Variants in SNX9 observed in about 807,000 individuals in gnomAD.
The protein encoded by SNX9 is sorting nexin 9.
Under a neutral mutation model 89.4 loss-of-function variants are expected in SNX9, and 44 were observed. The observed-to-expected ratio is 0.49, with a 90% CI of 0.39 to 0.63. The LOEUF is 0.63. SNX9 is among the 30% of genes least tolerant of loss of function. SNX9 has a pLI of 0.00. For synonymous variants in SNX9, 236 were observed against 247.8 expected (o/e 0.95, Z 0.45); for missense variants, 578 against 736.1 (o/e 0.79, Z 2.49).
chr6:157,932,190 T>C lies in SNX9; in HGVS notation c.1289-5T>C. On this transcript the variant is annotated splice_polypyrimidine_tract_variant and splice_region_variant and intron_variant, in intron 12 of 17. Coordinates refer to ENST00000392185, the MANE Select transcript of SNX9 (RefSeq NM_016224.5). ...ACTAATCGTTTATTCCTTTTTGTCTTTCAGCATTACCCAAGGAATATCAGA... is the reference window on the plus strand; with the variant it reads ...ACTAATCGTTTATTCCTTTTTGTCTCTCAGCATTACCCAAGGAATATCAGA... 1.2e-6 allele frequency: 2 copies of C among 1,613,912 alleles called. No individual in the cohort carries two copies. The highest frequency in any genetic ancestry group is 1.7e-6 in the Non-Finnish European group (2 of 1,179,750).
chr6:157,896,835 T>A lies in SNX9; in HGVS notation c.309T>A (p.Ser103Arg), dbSNP rs1363209877. 1 of 1,612,488 alleles carries A rather than the reference T, an allele frequency of 6.2e-7. No individual in the cohort carries two copies. Among genetic ancestry groups the A allele is most frequent in the African/African-American group, 1.3e-5 (1 of 74,774 alleles). Residue 103 changes from serine to arginine, a missense_variant, in exon 5 of 18, where the codon AGT becomes AGA. Around this residue, in one of 2 missense-constraint regions of SNX9, gnomAD observed 230 missense variants for 244.7 expected, o/e 0.94. Coordinates refer to ENST00000392185, the MANE Select transcript of SNX9 (RefSeq NM_016224.5). ...TTTACCCCTCTCAATAGGTTGGCAG[T>A]GGCAATGACCCCTGGTCAGCCTGGA... The part of the protein sequence containing the change: ...SAASNNHQVG[S>R]GNDPWSAWSA...
intron 1 of SNX9, among the ~76,000 whole-genome samples, chr6:157,853,680 G>A (rs1360900305): frequency 1.3e-5 from 2 of 152,034 alleles, no homozygotes; most frequent in African/African-American, 2.4e-5. Context: ...TCAGTTATCA[G>A]GCCCTTTACT....
chr6:157,906,131 TC>T lies in SNX9; in HGVS notation c.626del (p.Pro209LeufsTer17). 1.2e-6 allele frequency: 2 copies of T among 1,609,780 alleles called. No homozygotes were observed. The highest frequency in any genetic ancestry group is 1.7e-6 in the Non-Finnish European group (2 of 1,178,734). ...SSMKIPLNKFPGFAKPGTEQY... is the reference protein window; with the variant it reads ...SSMKIPLNKFXGFAKPGTEQY... ...GAACATTTATATTCATGATTAGATTTCCTGGATTTGCGAAACCTGGCACGGA... is the reference window on the plus strand; with the variant it reads ...GAACATTTATATTCATGATTAGATTTCTGGATTTGCGAAACCTGGCACGGA... On this transcript the variant is annotated frameshift_variant, in exon 7 of 18. Coordinates refer to ENST00000392185, the MANE Select transcript of SNX9 (RefSeq NM_016224.5). LOFTEE classifies it high-confidence loss of function.
At chr6:157,861,995 T>C (rs931058386) in intron 1 of SNX9, among the ~76,000 whole-genome samples, 2 of 152,158 alleles carry the variant, frequency 1.3e-5, no homozygotes, top group African/African-American at 4.8e-5. Context: ...GTAGAGATGC[T>C]GGACAAAGGG....
intron 1 of SNX9, among the ~76,000 whole-genome samples, chr6:157,841,963 G>A (rs912865859): frequency 6.6e-6 from 1 of 151,992 alleles, no homozygotes; most frequent in Non-Finnish European, 1.5e-5. Context: ...ATCCTGGCCC[G>A]TTTTGTTTCC....
chr6:157,878,926 GT>G (rs112735563), intron 4 of SNX9, among the ~76,000 whole-genome samples: 39,536 of 151,940 alleles, frequency 0.26, 5,601 homozygotes, highest in African/African-American at 0.38. Flanking sequence ...CTGTCCTTTG[GT>G]GGGGGAAGGT....
chr6:157,915,457 A>G (rs1004466895), intron 9 of SNX9, among the ~76,000 whole-genome samples: 1 of 151,470 alleles, frequency 6.6e-6, no homozygotes, highest in Non-Finnish European at 1.5e-5. Context: ...AGTCTTCAAC[A>G]TACAGATTCT....
Position 157,823,502 on chromosome 6 carries a change from G to GAGGGTC in SNX9, c.12+57_12+62dup, listed in dbSNP as rs1222115747. 6 of 1,166,876 alleles carry GAGGGTC rather than the reference G, an allele frequency of 5.1e-6. No individual in the cohort carries two copies. The highest frequency in any genetic ancestry group is 1.6e-5 in the African/African-American group (1 of 61,668). The allele number at this position is 1,166,876 out of a possible 1,614,324, so 72.3% of individuals were successfully genotyped here. On this transcript the variant is annotated intron_variant, in intron 1 of 17. Coordinates refer to ENST00000392185, the MANE Select transcript of SNX9 (RefSeq NM_016224.5). The surrounding 1 kb of genome is among the most constrained non-coding windows in gnomAD (Gnocchi z 4.6). ...TCGCTCAGGCCCGGGGCGGCGCGGAGAGGGTCGGGGCCGGGGCCGCGGGGA... is the reference window on the plus strand; with the variant it reads ...TCGCTCAGGCCCGGGGCGGCGCGGAGAGGGTCAGGGTCGGGGCCGGGGCCGCGGGGA...
intron 1 of SNX9, among the ~76,000 whole-genome samples, chr6:157,834,558 T>C (rs1318282673): frequency 6.6e-6 from 1 of 151,902 alleles, no homozygotes; most frequent in Non-Finnish European, 1.5e-5. Context: ...TCTCGCCATG[T>C]TCCCCAGGTT....
chr6:157,904,432 C>CA (rs202231815), intron 6 of SNX9, among the ~76,000 whole-genome samples: 3,797 of 145,526 alleles, frequency 0.026, 108 homozygotes, highest in African/African-American at 0.071. Context: ...ACTCTGTCTC[C>CA]AAAAAAAAAA....
At chr6:157,850,034 G>A (rs953422729) in intron 1 of SNX9, among the ~76,000 whole-genome samples, 33 of 152,178 alleles carry the variant, frequency 2.2e-4, no homozygotes, top group African/African-American at 7.7e-4. Flanking sequence ...TTTACAGTGT[G>A]GCCTGGCTAA....
chr6:157,926,478 C>T (rs1257313772), intron 10 of SNX9, among the ~76,000 whole-genome samples: 1 of 152,090 alleles, frequency 6.6e-6, no homozygotes, highest in Non-Finnish European at 1.5e-5. Flanking sequence ...ATTTGAGGCA[C>T]TAGGTCAGAA....
rs772304034 is a variant in SNX9 at position 157,865,687 on chromosome 6, G to A, written c.13-1860G>A. On this transcript the variant is annotated intron_variant, in intron 1 of 17. Coordinates refer to ENST00000392185, the MANE Select transcript of SNX9 (RefSeq NM_016224.5). ...TGCTTTGTCACATATTCGTCCATCA[G>A]TCCATCTTACTATTTTTTATGTATT... Among the ~76,000 whole-genome samples the A allele has an allele frequency of 1.4e-4, 22 of 152,362 alleles. 1 individual carries two copies. Among genetic ancestry groups the A allele is most frequent in the Non-Finnish European group, 1.8e-4 (12 of 68,028 alleles).
At chr6:157,865,425 A>G (rs552125748) in intron 1 of SNX9, among the ~76,000 whole-genome samples, 7 of 151,236 alleles carry the variant, frequency 4.6e-5, no homozygotes, top group Non-Finnish European at 7.4e-5. Flanking sequence ...ACACCTCAGC[A>G]TGGCTGCTTT....
rs1783584617 is a variant in SNX9 at position 157,921,586 on chromosome 6, G to A, written c.1005G>A (p.Met335Ile). The change falls in exon 10 of 18, where the codon ATG (methionine) becomes ATA (isoleucine). Residue 335 changes from methionine to isoleucine, a missense_variant. Coordinates refer to ENST00000392185, the MANE Select transcript of SNX9 (RefSeq NM_016224.5). ...GCATGGAGAGACTTCAGGCCTGGAT[G>A]ACCAGGATGTGTCGCCATCCAGTAA... ...KMRMERLQAWMTRMCRHPVIS... is the reference protein window; with the variant it reads ...KMRMERLQAWITRMCRHPVIS... 6.2e-7 allele frequency: 1 copy of A among 1,614,036 alleles called. No homozygotes were observed. Among genetic ancestry groups the A allele is most frequent in the Non-Finnish European group, 8.5e-7 (1 of 1,179,972 alleles).
At chr6:157,859,780 G>A (rs1435724559) in intron 1 of SNX9, among the ~76,000 whole-genome samples, 1 of 152,152 alleles carries the variant, frequency 6.6e-6, no homozygotes, top group Non-Finnish European at 1.5e-5. Context: ...GTATTAGGTT[G>A]CTGGTCTTTT....
At chr6:157,875,462 C>G (rs572620029) in intron 4 of SNX9, among the ~76,000 whole-genome samples, 145 of 152,222 alleles carry the variant, frequency 9.5e-4, no homozygotes, top group African/African-American at 3.4e-3. Context: ...TGCAAATACC[C>G]TCTTAGATAA....
At chr6:157,916,305 A>G (rs1361863589) in intron 9 of SNX9, among the ~76,000 whole-genome samples, 1 of 152,162 alleles carries the variant, frequency 6.6e-6, no homozygotes, top group Non-Finnish European at 1.5e-5. Context: ...AAGTGCTGGG[A>G]TTACAGGCGT....
At chr6:157,911,179 T>G (rs1180738514) in intron 9 of SNX9, among the ~76,000 whole-genome samples, 1 of 151,532 alleles carries the variant, frequency 6.6e-6, no homozygotes, top group Non-Finnish European at 1.5e-5. Context: ...TTAGACAGAG[T>G]TTTAGTATAT....
Sources: allele counts gnomAD v4.1 joint callset (sites outside exome capture counted in the v4.1 genomes callset), GRCh38; gene constraint gnomAD v4.1.1; regional missense constraint gnomAD v4.1.1; non-coding constraint Gnocchi (gnomAD v3.1); transcripts MANE v1.5; gene names NCBI Gene and HGNC (gene_info 2026-07-23, HGNC 2026-07-21).